Variants in TRAPPC6B observed in about 807,000 individuals in gnomAD.
TRAPPC6B encodes trafficking protein particle complex subunit 6B, also known as TRAPP complex subunit 6B.
In TRAPPC6B, 27 loss-of-function variants were observed where a neutral mutation model predicts 24.7. The observed-to-expected ratio is 1.09, with a 90% CI of 0.81 to 1.51. TRAPPC6B has a LOEUF of 1.51. Among genes scored for constraint, TRAPPC6B ranks in the 40% most tolerant of loss-of-function variants. The pLI, the probability that TRAPPC6B is intolerant of heterozygous loss-of-function variation, is 0.00. For synonymous variants in TRAPPC6B, 80 were observed against 66.6 expected, an observed-to-expected ratio of 1.20 and a Z score of -0.98; for missense variants, 212 against 190.8, an observed-to-expected ratio of 1.11 and a Z score of -0.66.
intron 4 of TRAPPC6B, among the ~76,000 whole-genome samples, chr14:39,153,650 T>G (rs2139377961): frequency 6.6e-6 from 1 of 151,268 alleles, no homozygotes; most frequent in African/African-American, 2.4e-5. Context: ...AAAAAAGTGA[T>G]CTACCATACA....
intron 1 of TRAPPC6B, 99 bp downstream of exon 1, chr14:39,169,916 G>A (rs2053149386): frequency 1.0e-5 from 12 of 1,172,856 alleles, no homozygotes; most frequent in Non-Finnish European, 1.4e-5. Context: ...CACCTCGGGA[G>A]GCGTCGGGTG....
chr14:39,153,100 C>T (rs571123780), intron 4 of TRAPPC6B, among the ~76,000 whole-genome samples: 12 of 151,838 alleles, frequency 7.9e-5, no homozygotes, highest in African/African-American at 2.7e-4. Flanking sequence ...AGACTAGCCT[C>T]GCCAACATGG....
chr14:39,155,254 T>A (rs1279973891), intron 3 of TRAPPC6B, among the ~76,000 whole-genome samples: 1 of 152,118 alleles, frequency 6.6e-6, no homozygotes, highest in Non-Finnish European at 1.5e-5. Flanking sequence ...TTTATTTATT[T>A]TTTTGAGACA....
At position 39,148,589 on chromosome 14, in the gene TRAPPC6B, G is replaced by T; in HGVS notation, c.*1761C>A. On this transcript the variant is annotated 3_prime_UTR_variant, in exon 6 of 6. Transcript: ENST00000330149. Reference sequence around the variant, plus strand: ...ACAATTCTCACACCTGTTTTATTTTGAAGTTCTCTATTGTGTTCTATTTTG... The same window carrying T: ...ACAATTCTCACACCTGTTTTATTTTTAAGTTCTCTATTGTGTTCTATTTTG... The T allele has an allele frequency of 2.5e-6, 1 of 398,194 alleles. No homozygotes were observed. Among genetic ancestry groups the T allele is most frequent in the East Asian group, 3.6e-5 (1 of 27,992 alleles). The allele number at this position is 398,194 out of a possible 1,614,324, so 24.7% of individuals were successfully genotyped here.
At chr14:39,167,016 C>G (rs1397371886) in intron 1 of TRAPPC6B, among the ~76,000 whole-genome samples, 2 of 152,172 alleles carry the variant, frequency 1.3e-5, no homozygotes, top group Non-Finnish European at 2.9e-5. Flanking sequence ...TCTACCTGGG[C>G]AGTGGGGAAG....
At position 39,147,826 on chromosome 14, in the gene TRAPPC6B, T is replaced by C. The variant is rs144656369; in HGVS notation, c.*2524A>G. On this transcript the variant is annotated 3_prime_UTR_variant, in exon 6 of 6. Coordinates refer to ENST00000330149, the MANE Select transcript of TRAPPC6B (RefSeq NM_001079537.2). ...CACGAAAGTATTATCACATTTTCTT[T>C]AGTACTTTATTGTTTTACAAGTGAA... 38 of 152,342 alleles carry C rather than the reference T, an allele frequency of 2.5e-4. No individual in the cohort carries two copies. Among genetic ancestry groups the C allele is most frequent in the African/African-American group, 9.1e-4 (38 of 41,576 alleles). The allele number at this position is 152,342 out of a possible 1,614,324, so 9.4% of individuals were successfully genotyped here. A position where few individuals can be genotyped will look rare whatever the true frequency, so the allele number is the denominator to read the frequency against.
At chr14:39,152,080 G>C (rs1001381837) in intron 4 of TRAPPC6B, among the ~76,000 whole-genome samples, 2 of 152,160 alleles carry the variant, frequency 1.3e-5, no homozygotes, top group Admixed American at 1.3e-4. Flanking sequence ...CCAGGACTGT[G>C]AATCTAGACT....
intron 4 of TRAPPC6B, among the ~76,000 whole-genome samples, chr14:39,153,351 G>T (rs1241490878): frequency 6.6e-6 from 1 of 152,066 alleles, no homozygotes; most frequent in Non-Finnish European, 1.5e-5. Context: ...AATCAGGCCG[G>T]ATGCAGTGGC....
chr14:39,161,640 T>C (rs2053060125), intron 1 of TRAPPC6B, among the ~76,000 whole-genome samples: 1 of 152,206 alleles, frequency 6.6e-6, no homozygotes, highest in African/African-American at 2.4e-5. Flanking sequence ...GCGAGCCAAC[T>C]GGATGTCTTT....
At chr14:39,160,713 TC>T (rs2053047408) in intron 1 of TRAPPC6B, among the ~76,000 whole-genome samples, 1 of 152,074 alleles carries the variant, frequency 6.6e-6, no homozygotes, top group African/African-American at 2.4e-5. Context: ...ACTATTGTTT[TC>T]TCTTAGAAGA....
intron 1 of TRAPPC6B, among the ~76,000 whole-genome samples, chr14:39,162,991 C>A (rs993793137): frequency 2.7e-5 from 4 of 150,744 alleles, no homozygotes; most frequent in African/African-American, 7.5e-5. Context: ...TGAGTCTACT[C>A]TCATGTCACC....
intron 4 of TRAPPC6B, among the ~76,000 whole-genome samples, chr14:39,153,049 T>C (rs1037289498): frequency 4.0e-5 from 6 of 151,696 alleles, no homozygotes; most frequent in African/African-American, 7.3e-5. Context: ...TCCGAGCACT[T>C]TGGGAGGCTG....
intron 4 of TRAPPC6B, 43 bp from the exon 5 acceptor site, chr14:39,151,882 A>T: frequency 1.5e-6 from 2 of 1,300,774 alleles, no homozygotes; most frequent in South Asian, 1.3e-5. Context: ...GGATTTACTA[A>T]AATAGTAAAG....
At chr14:39,160,353 G>A (rs868249366) in intron 1 of TRAPPC6B, among the ~76,000 whole-genome samples, 2 of 152,240 alleles carry the variant, frequency 1.3e-5, no homozygotes, top group Middle Eastern at 3.4e-3. Flanking sequence ...CAAAGCAGGA[G>A]GATCACTTGA....
At chr14:39,167,797 T>C (rs1364174149) in intron 1 of TRAPPC6B, among the ~76,000 whole-genome samples, 1 of 152,188 alleles carries the variant, frequency 6.6e-6, no homozygotes, top group Non-Finnish European at 1.5e-5. Context: ...TTCTCTTGTA[T>C]GTTAGTCCAT....
In TRAPPC6B at chr14:39,154,307, T is replaced by C. The variant is rs1413704098; in HGVS notation, c.268-13A>G. ...GTACATAGATGCCCTGTTCCAAAAA[T>C]AGAAAAAAAATCCAAAGTCAATGTA... is the stretch of plus-strand genomic sequence containing the variant. On this transcript the variant is annotated splice_polypyrimidine_tract_variant and intron_variant, in intron 3 of 5. Coordinates refer to ENST00000330149, the MANE Select transcript of TRAPPC6B (RefSeq NM_001079537.2). The C allele has an allele frequency of 3.8e-6, 6 of 1,583,228 alleles. No homozygotes were observed. Among genetic ancestry groups the C allele is most frequent in the Non-Finnish European group, 4.3e-6 (5 of 1,157,034 alleles).
chr14:39,164,811 C>A (rs910311695), intron 1 of TRAPPC6B, among the ~76,000 whole-genome samples: 1 of 152,044 alleles, frequency 6.6e-6, no homozygotes, highest in Non-Finnish European at 1.5e-5. Flanking sequence ...CACTCTAGAC[C>A]GGGCAACAGA....
At chr14:39,157,725 C>T (rs2053000480) in intron 3 of TRAPPC6B, 1 of 239,060 alleles carries the variant, frequency 4.2e-6, no homozygotes, top group Non-Finnish European at 8.4e-6. Flanking sequence ...TGGAAGCTAT[C>T]AGAACCAATT....
intron 1 of TRAPPC6B, 76 bp from the exon 2 acceptor site, chr14:39,159,626 TG>T: frequency 9.1e-7 from 1 of 1,099,116 alleles, no homozygotes; most frequent in Non-Finnish European, 1.3e-6. Flanking sequence ...TTTACAAGAT[TG>T]GTTAAAAATA....
Sources: allele counts gnomAD v4.1 joint callset (sites outside exome capture counted in the v4.1 genomes callset), GRCh38; gene constraint gnomAD v4.1.1; transcripts MANE v1.5; gene names NCBI Gene and HGNC (gene_info 2026-07-23, HGNC 2026-07-21).